Variants in MYO1C observed in about 807,000 individuals in gnomAD.
MYO1C encodes the protein myosin IC, also known as unconventional myosin-Ic.
Under a neutral mutation model 150.8 loss-of-function variants are expected in MYO1C, and 104 were observed. The observed-to-expected ratio is 0.69, with a 90% CI of 0.59 to 0.81. The LOEUF (loss-of-function observed/expected upper bound fraction) is 0.81. MYO1C is among the 30% of genes least tolerant of loss of function. MYO1C has a pLI of 0.00. For missense variants in MYO1C, 1,504 were observed against 1,435.0 expected, an observed-to-expected ratio of 1.05 and a Z score of -0.78; for synonymous variants, 663 against 579.9, an observed-to-expected ratio of 1.14 and a Z score of -2.06.
chr17:1,482,900 G>A lies in MYO1C; in HGVS notation c.507C>T (p.Ala169=), dbSNP rs571916401. The A allele has an allele frequency of 7.5e-5, 99 of 1,322,528 alleles. No homozygotes were observed. The highest frequency in any genetic ancestry group is 1.5e-4 in the East Asian group (6 of 39,190). The allele number at this position is 1,322,528 out of a possible 1,614,324, so 81.9% of individuals were successfully genotyped here. A position where few individuals can be genotyped will look rare whatever the true frequency, so the allele number is the denominator to read the frequency against. Residue 169 remains alanine, a synonymous_variant, in exon 4 of 32, where the codon GCC becomes GCT. Transcript: ENST00000648651. The part of the protein sequence containing the change: ...ETCPAPERGG[A]VRDRLLQSNP... ...TGCTCTGTAGCAGCCGGTCCCGCAC[G>A]GCACCTCCGCGCTCGGGGGCTGGGC...
chr17:1,487,190 G>T, intron 1 of MYO1C: 1 of 152,698 alleles, frequency 6.5e-6, no homozygotes. Flanking sequence ...GCCTTCCCTC[G>T]GCCGGACGCT....
At chr17:1,470,078 C>T (rs376783541) in intron 24 of MYO1C, 97 bp downstream of exon 24, 124 of 1,319,058 alleles carry the variant, frequency 9.4e-5, no homozygotes, top group African/African-American at 4.9e-4. Flanking sequence ...CCGGGCCCTC[C>T]GTGAGCCCTC....
chr17:1,483,044 G>C lies in MYO1C; in HGVS notation c.363C>G (p.Asp121Glu). 6.2e-7 allele frequency: 1 copy of C among 1,608,452 alleles called. No individual in the cohort carries two copies. The highest frequency in any genetic ancestry group is 8.5e-7 in the Non-Finnish European group (1 of 1,178,472). ...CCGTGCGCAGTGCTCGGTACACAGT[G>C]TCCGCCACGGCAAACCTGGGGCGGA... Reference protein sequence around the residue: ...EVPPHLFAVADTVYRALRTER... With the variant: ...EVPPHLFAVAETVYRALRTER... Residue 121 changes from aspartate to glutamate, a missense_variant, in exon 4 of 32, where the codon GAC (aspartate) becomes GAG (glutamate). Coordinates refer to ENST00000648651, the MANE Select transcript of MYO1C (RefSeq NM_001080779.2).
At chr17:1,492,296 A>G (rs1169612925) in intron 1 of MYO1C, 117 bp downstream of exon 1, 2 of 1,017,270 alleles carry the variant, frequency 2.0e-6, no homozygotes, top group African/African-American at 3.2e-5. Context: ...TGGCCCCGCC[A>G]AGGATCGGAA....
At position 1,470,170 on chromosome 17, in the gene MYO1C, C is replaced by T; in HGVS notation, c.2526+5G>A. 2 of 1,607,270 alleles carry T rather than the reference C, an allele frequency of 1.2e-6. No individual in the cohort carries two copies. The highest frequency in any genetic ancestry group is 1.1e-5 in the South Asian group (1 of 90,342). On this transcript the variant is annotated splice_donor_5th_base_variant and intron_variant, in intron 24 of 31. Transcript: ENST00000648651. Reference sequence around the variant, plus strand: ...TCCCTAACTTGGCAGGGGGTGCCCACAGACCTCACGCAGGGCAGGTGGGGG... The same window carrying T: ...TCCCTAACTTGGCAGGGGGTGCCCATAGACCTCACGCAGGGCAGGTGGGGG...
chr17:1,474,628 G>C lies in MYO1C; in HGVS notation c.1779C>G (p.Asp593Glu), dbSNP rs201137128. ...TCCTCACCGTCTCTGGCCGCTTCTTGTCACTGAGCTCGCTCCGGTCAAAGC... is the reference window on the plus strand; with the variant it reads ...TCCTCACCGTCTCTGGCCGCTTCTTCTCACTGAGCTCGCTCCGGTCAAAGC... ...SQCFDRSELSDKKRPETVATQ... is the reference protein window; with the variant it reads ...SQCFDRSELSEKKRPETVATQ... Residue 593 changes from aspartate (D) to glutamate (E), a missense_variant, in exon 17 of 32, where the codon GAC becomes GAG. Coordinates refer to ENST00000648651, the MANE Select transcript of MYO1C (RefSeq NM_001080779.2). 452 of 1,613,776 alleles carry C rather than the reference G, an allele frequency of 2.8e-4. 2 individuals carry two copies. In the Admixed American group the frequency reaches 7.5e-3, roughly 27 times the overall value.
At position 1,479,443 on chromosome 17, in the gene MYO1C, G is replaced by A. The variant is rs1406032824; in HGVS notation, c.1080C>T (p.Ala360=). The A allele has an allele frequency of 3.4e-6, 5 of 1,465,944 alleles. No homozygotes were observed. Among genetic ancestry groups the A allele is most frequent in the African/African-American group, 1.4e-5 (1 of 71,688 alleles). The allele number at this position is 1,465,944 out of a possible 1,614,324, so 90.8% of individuals were successfully genotyped here. A position where few individuals can be genotyped will look rare whatever the true frequency, so the allele number is the denominator to read the frequency against. Residue 360 remains alanine, a synonymous_variant, in exon 9 of 32, where the codon GCC becomes GCT. Transcript: ENST00000648651. The surrounding 1 kb of genome is among the most constrained non-coding windows in gnomAD (Gnocchi z 4.2). ...GGCCCGGCCTCACCTCCTCCCCCTT[G>A]GCGATGATCTTCCTGTGTGTCAGGG... The part of the protein sequence containing the change: ...REALTHRKII[A]KGEELLSPLN...
At chr17:1,470,575 CT>C (rs775821265) in intron 22 of MYO1C, 45 bp downstream of exon 22, 94 of 1,585,846 alleles carry the variant, frequency 5.9e-5, no homozygotes, top group Middle Eastern at 1.7e-4. Flanking sequence ...GTGGCCCCCC[CT>C]GGCCCCAGAC....
intron 1 of MYO1C, chr17:1,491,670 G>C: frequency 2.0e-6 from 2 of 980,282 alleles, no homozygotes; most frequent in Non-Finnish European, 2.4e-6. Flanking sequence ...CGCGGCCCGG[G>C]CGCACTCTCC....
Position 1,479,375 on chromosome 17 carries a change from G to T in MYO1C, c.1092+56C>A. 1.2e-6 allele frequency: 1 copy of T among 838,068 alleles called. No individual in the cohort carries two copies. The highest frequency in any genetic ancestry group is 2.6e-5 in the East Asian group (1 of 37,908). 51.9% of individuals were successfully genotyped at this position (838,068 alleles called of 1,614,324 possible). A position where few individuals can be genotyped will look rare whatever the true frequency, so the allele number is the denominator to read the frequency against. ...CAGGCGAAGGGGAGTGATGGGAGTA[G>T]GGGCTGCCTTGGAACAGCTGCCCCT... On this transcript the variant is annotated intron_variant, in intron 9 of 31. Coordinates refer to ENST00000648651, the MANE Select transcript of MYO1C (RefSeq NM_001080779.2). The surrounding 1 kb of genome is among the most constrained non-coding windows in gnomAD (Gnocchi z 4.2).
At chr17:1,471,611 C>A (rs1194016115) in intron 19 of MYO1C, among the ~76,000 whole-genome samples, 1 of 152,194 alleles carries the variant, frequency 6.6e-6, no homozygotes, top group Non-Finnish European at 1.5e-5. Context: ...TTCGGAGCCC[C>A]TTGGAAGCTG....
chr17:1,488,530 A>G (rs2074694319), intron 1 of MYO1C, among the ~76,000 whole-genome samples: 1 of 152,228 alleles, frequency 6.6e-6, no homozygotes, highest in South Asian at 2.1e-4. Context: ...GGTCCGTATC[A>G]TCACTCCAAT....
At position 1,466,153 on chromosome 17, in the gene MYO1C, CTTTTTTT is replaced by C. The variant is rs71148490; in HGVS notation, c.3166-408_3166-402del. On this transcript the variant is annotated intron_variant, in intron 31 of 31. Transcript: ENST00000648651. ...TATCTTCCCTGCATTGCCGTGCTGC[CTTTTTTT>C]TTTTTTTTTTTTTTTTGAGACAGGG... is the stretch of plus-strand genomic sequence containing the variant. 4.6e-3 allele frequency among the ~76,000 whole-genome samples: 424 copies of C among 91,606 alleles called. 12 individuals carry two copies. In the East Asian group the frequency reaches 0.066, roughly 14 times the overall value. 60.1% of individuals were successfully genotyped at this position (91,606 alleles called of 152,430 possible). A position where few individuals can be genotyped will look rare whatever the true frequency, so the allele number is the denominator to read the frequency against.
At chr17:1,492,385 C>G in intron 1 of MYO1C, 28 bp downstream of exon 1, 1 of 1,582,436 alleles carries the variant, frequency 6.3e-7, no homozygotes, top group Middle Eastern at 1.7e-4. Flanking sequence ...CTCCCACCCT[C>G]CTCCCAGCCC....
At chr17:1,483,874 C>T in intron 2 of MYO1C, 149 bp from the exon 3 acceptor site, 1 of 731,508 alleles carries the variant, frequency 1.4e-6, no homozygotes, top group Non-Finnish European at 2.3e-6. Context: ...AGAAATCCGT[C>T]TCTACTAAAA....
intron 1 of MYO1C, 60 bp downstream of exon 1, chr17:1,492,353 G>T (rs1467131647): frequency 6.6e-7 from 1 of 1,524,252 alleles, no homozygotes; most frequent in Non-Finnish European, 8.9e-7. Flanking sequence ...CCTGAGAGGG[G>T]CTGCCCGGCC....
rs527516987 is a variant in MYO1C at position 1,482,133 on chromosome 17, G to A, written c.627+345C>T. On this transcript the variant is annotated intron_variant, in intron 5 of 31. Coordinates refer to ENST00000648651, the MANE Select transcript of MYO1C (RefSeq NM_001080779.2). ...ATGATCATAGCTTAGGGTAACCTTG[G>A]ACTCCTGGCCTCAAGTGATCCTCCT... Among the ~76,000 whole-genome samples the A allele has an allele frequency of 9.2e-5, 14 of 151,828 alleles. No individual in the cohort carries two copies. The South Asian group carries it at 2.7e-3, about 29-fold the overall frequency.
chr17:1,484,103 G>T, intron 2 of MYO1C, 45 bp downstream of exon 2: 1 of 1,607,356 alleles, frequency 6.2e-7, no homozygotes. Flanking sequence ...GCTTGCCTGT[G>T]TCTGTGACCC....
chr17:1,472,067 G>T, intron 18 of MYO1C, 43 bp from the exon 19 acceptor site: 1 of 1,608,030 alleles, frequency 6.2e-7, no homozygotes, highest in Non-Finnish European at 8.5e-7. Context: ...TGGCGCTGAC[G>T]GCCTGTCTCC....
Sources: allele counts gnomAD v4.1 joint callset (sites outside exome capture counted in the v4.1 genomes callset), GRCh38; gene constraint gnomAD v4.1.1; non-coding constraint Gnocchi (gnomAD v3.1); transcripts MANE v1.5; gene names NCBI Gene and HGNC (gene_info 2026-07-23, HGNC 2026-07-21).